Variants in FAM227A observed in about 807,000 individuals in gnomAD.
FAM227A encodes the protein family with sequence similarity 227 member A.
In FAM227A, 80 loss-of-function variants were observed where a neutral mutation model predicts 74.7. The observed-to-expected ratio is 1.07, with a 90% CI of 0.89 to 1.29. The LOEUF is 1.29. FAM227A is among the 50% of genes most tolerant of loss of function. FAM227A has a pLI of 0.00. For synonymous variants in FAM227A, 237 were observed against 241.8 expected (o/e 0.98, Z 0.19); for missense variants, 654 against 683.4 (o/e 0.96, Z 0.48).
At position 38,650,093 on chromosome 22, in the gene FAM227A, C is replaced by T. The variant is rs913986892; in HGVS notation, c.76G>A (p.Val26Ile). ...ATTGTATTCCGTGCGACAAGCGAGA[C>T]AGCCAGGTGCTCATCCACTGGTATC... ...PMIPVDEHLA[V>I]SLVARNTMVK... The change falls in exon 2 of 17, where the codon GTC becomes ATC. Residue 26 changes from valine (V) to isoleucine (I), a missense_variant. Physicochemically the swap from Val to Ile is conservative, Grantham distance 29 (BLOSUM62 3). Coordinates refer to ENST00000535113, the MANE Select transcript of FAM227A (RefSeq NM_001013647.2). The T allele has an allele frequency of 1.3e-6, 2 of 1,551,928 alleles. No individual in the cohort carries two copies. Among genetic ancestry groups the T allele is most frequent in the African/African-American group, 2.7e-5 (2 of 73,036 alleles).
intron 13 of FAM227A, among the ~76,000 whole-genome samples, chr22:38,604,475 T>C (rs572124129): frequency 1.2e-4 from 19 of 152,102 alleles, no homozygotes; most frequent in Non-Finnish European, 1.9e-4. Context: ...GAAGTTCCTA[T>C]TGATATAAAC....
At chr22:38,608,581 C>T (rs1448522392) in intron 11 of FAM227A, among the ~76,000 whole-genome samples, 1 of 151,770 alleles carries the variant, frequency 6.6e-6, no homozygotes, top group Non-Finnish European at 1.5e-5. Context: ...CAGGTGTCCG[C>T]CACCACGCCC....
At chr22:38,649,875 AAAAAGAAAGAAAAG>A in intron 2 of FAM227A, 138 bp downstream of exon 2, 1 of 727,012 alleles carries the variant, frequency 1.4e-6, no homozygotes, top group Admixed American at 3.3e-5. Context: ...CTCAAAAAAA[AAAAAGAAAGAAAAG>A]AAAAGAAAAA....
At chr22:38,614,276 C>T (rs768288349) in intron 11 of FAM227A, among the ~76,000 whole-genome samples, 7 of 152,032 alleles carry the variant, frequency 4.6e-5, no homozygotes, top group Non-Finnish European at 7.4e-5. Flanking sequence ...TCATTTTCTC[C>T]CTCAGATTCC....
Position 38,585,073 on chromosome 22 carries a change from G to C in FAM227A, c.*1052C>G, listed in dbSNP as rs963508799. ...GCCTCCCAAAGTGCTGGGATTACAG[G>C]TGTGAGCCACCACGCCTGGCCTAAT... On this transcript the variant is annotated 3_prime_UTR_variant, in exon 17 of 17. Coordinates refer to ENST00000535113, the MANE Select transcript of FAM227A (RefSeq NM_001013647.2). 1 of 152,108 alleles carries C rather than the reference G, an allele frequency of 6.6e-6. No homozygotes were observed. Among genetic ancestry groups the C allele is most frequent in the Non-Finnish European group, 1.5e-5 (1 of 68,040 alleles). 9.4% of individuals were successfully genotyped at this position (152,108 alleles called of 1,614,324 possible).
intron 15 of FAM227A, among the ~76,000 whole-genome samples, chr22:38,592,719 G>C (rs1000472803): frequency 1.3e-5 from 2 of 152,180 alleles, no homozygotes; most frequent in African/African-American, 4.8e-5. Flanking sequence ...TTGTAAATGA[G>C]AGAAAAGAAA....
intron 15 of FAM227A, 33 bp downstream of exon 15, chr22:38,597,171 G>C (rs947939824): frequency 7.1e-6 from 11 of 1,549,170 alleles, no homozygotes; most frequent in Non-Finnish European, 9.6e-6. Context: ...GATAAGTGCG[G>C]AACAACGGCA....
chr22:38,585,822 G>C lies in FAM227A; in HGVS notation c.*303C>G. 1.9e-6 allele frequency: 1 copy of C among 535,668 alleles called. No homozygotes were observed. Among genetic ancestry groups the C allele is most frequent in the Non-Finnish European group, 3.2e-6 (1 of 315,086 alleles). The allele number at this position is 535,668 out of a possible 1,614,324, so 33.2% of individuals were successfully genotyped here. On this transcript the variant is annotated 3_prime_UTR_variant, in exon 17 of 17. Coordinates refer to ENST00000535113, the MANE Select transcript of FAM227A (RefSeq NM_001013647.2). Reference sequence around the variant, plus strand: ...GCAGTGGATAATCCCTACTTCATACGGCTGGTATGAAAGTTTTACCTTTGT... The same window carrying C: ...GCAGTGGATAATCCCTACTTCATACCGCTGGTATGAAAGTTTTACCTTTGT...
At position 38,599,941 on chromosome 22, in the gene FAM227A, G is replaced by A; in HGVS notation, c.1222-20C>T. ...ACACGACTAAGGATGAAAGAAAAAGGAAAAATAAAGGATATTGTCATTTTT... is the reference window on the plus strand; with the variant it reads ...ACACGACTAAGGATGAAAGAAAAAGAAAAAATAAAGGATATTGTCATTTTT... On this transcript the variant is annotated intron_variant, in intron 13 of 16. Transcript: ENST00000535113. 2.0e-6 allele frequency: 3 copies of A among 1,521,892 alleles called. No individual in the cohort carries two copies. Among genetic ancestry groups the A allele is most frequent in the Non-Finnish European group, 2.6e-6 (3 of 1,134,850 alleles). The allele number at this position is 1,521,892 out of a possible 1,614,324, so 94.3% of individuals were successfully genotyped here. A position where few individuals can be genotyped will look rare whatever the true frequency, so the allele number is the denominator to read the frequency against.
chr22:38,635,247 A>AGG (rs1569228968), intron 6 of FAM227A, among the ~76,000 whole-genome samples: 4 of 151,110 alleles, frequency 2.6e-5, no homozygotes, highest in Non-Finnish European at 4.4e-5. Flanking sequence ...AAAAAAAAAA[A>AGG]AAGGAAGGAA....
At chr22:38,647,579 G>A (rs1223334053) in intron 2 of FAM227A, among the ~76,000 whole-genome samples, 1 of 152,144 alleles carries the variant, frequency 6.6e-6, no homozygotes, top group Admixed American at 6.6e-5. Flanking sequence ...GACAGATGAC[G>A]GCGTCAAAGG....
At chr22:38,621,614 T>C (rs965313077) in intron 10 of FAM227A, among the ~76,000 whole-genome samples, 1 of 152,074 alleles carries the variant, frequency 6.6e-6, no homozygotes, top group African/African-American at 2.4e-5. Flanking sequence ...AACCAAAAAG[T>C]GTCTGGCCCT....
Position 38,635,956 on chromosome 22 carries a change from A to G in FAM227A, c.519+495T>C, listed in dbSNP as rs931572623. On this transcript the variant is annotated intron_variant, in intron 6 of 16. Transcript: ENST00000535113. Reference sequence around the variant, plus strand: ...CAGTGAGCTATGATAGTGCCACTGCATTCCAGCCTGGGTACAGAGGGAGAC... The same window carrying G: ...CAGTGAGCTATGATAGTGCCACTGCGTTCCAGCCTGGGTACAGAGGGAGAC... Among the ~76,000 whole-genome samples, 59 of 151,904 alleles carry G rather than the reference A, an allele frequency of 3.9e-4. 1 individual carries two copies. The highest frequency in any genetic ancestry group is 1.4e-3 in the African/African-American group (57 of 41,334).
chr22:38,634,801 C>T (rs540563887), intron 6 of FAM227A, among the ~76,000 whole-genome samples: 1 of 152,318 alleles, frequency 6.6e-6, no homozygotes, highest in Admixed American at 6.5e-5. Context: ...GCGCCCCTTC[C>T]ACTGACTGAC....
At chr22:38,591,581 T>G in intron 15 of FAM227A, 41 bp from the exon 16 acceptor site, 1 of 1,381,714 alleles carries the variant, frequency 7.2e-7, no homozygotes, top group Non-Finnish European at 9.8e-7. Context: ...AAGGCTGGAG[T>G]GATTAACATG....
intron 16 of FAM227A, among the ~76,000 whole-genome samples, chr22:38,589,526 G>T (rs998322732): frequency 6.6e-6 from 1 of 152,094 alleles, no homozygotes; most frequent in African/African-American, 2.4e-5. Flanking sequence ...CAGAATTGAA[G>T]GACTCTACCC....
Position 38,607,429 on chromosome 22 carries a change from CT to C in FAM227A, c.1085del (p.Gln362ArgfsTer23). The C allele has an allele frequency of 6.4e-7, 1 of 1,551,360 alleles. No homozygotes were observed. Among genetic ancestry groups the C allele is most frequent in the South Asian group, 1.2e-5 (1 of 84,056 alleles). Reference sequence around the variant, plus strand: ...GCATTCGTAAGCTTTTTTCTGAGTTCTGCTTGGCCGAAGAGGTTTTTTCACT... The same window carrying C: ...GCATTCGTAAGCTTTTTTCTGAGTTCGCTTGGCCGAAGAGGTTTTTTCACT... ...SPSEKTSSAKQNSEKSLRMQN... is the reference protein window; with the variant it reads ...SPSEKTSSAKXNSEKSLRMQN... On this transcript the variant is annotated frameshift_variant, in exon 12 of 17. Transcript: ENST00000535113. LOFTEE classifies it high-confidence loss of function.
At chr22:38,644,148 A>C (rs2092177927) in intron 3 of FAM227A, among the ~76,000 whole-genome samples, 2 of 141,150 alleles carry the variant, frequency 1.4e-5, no homozygotes. Context: ...TCCATCTCAA[A>C]AAAAAAAAAA....
intron 11 of FAM227A, among the ~76,000 whole-genome samples, chr22:38,613,476 A>G (rs1486941121): frequency 1.6e-5 from 2 of 128,496 alleles, no homozygotes; most frequent in African/African-American, 6.2e-5. Flanking sequence ...CAGCCCAGGG[A>G]TGTCCTTGGA....
Sources: gnomAD v4.1 joint callset for allele counts (sites outside exome capture counted in the v4.1 genomes callset) on GRCh38, gnomAD v4.1.1 for gene constraint, MANE v1.5 for transcripts, NCBI Gene and HGNC (gene_info 2026-07-23, HGNC 2026-07-21) for gene names.